Variants in GPBP1 observed in about 807,000 individuals in gnomAD.
GPBP1 encodes GC-rich promoter binding protein 1, also known as vasculin.
Under a neutral mutation model 56.5 loss-of-function variants are expected in GPBP1, and 13 were observed. The observed-to-expected ratio is 0.23, with a 90% confidence interval of 0.15 to 0.37. The LOEUF is 0.37. Ranked by LOEUF, GPBP1 falls within the 10% of genes least tolerant of loss-of-function variation. The pLI is 1.00. For synonymous variants in GPBP1, 204 were observed against 188.9 expected, an observed-to-expected ratio of 1.08 and a Z score of -0.66; for missense variants, 477 against 572.3, an observed-to-expected ratio of 0.83 and a Z score of 1.70.
intron 2 of GPBP1, among the ~76,000 whole-genome samples, chr5:57,183,859 C>A (rs1754173071): frequency 6.7e-6 from 1 of 150,070 alleles, no homozygotes; most frequent in Admixed American, 6.7e-5. Context: ...GCAGCCTCGA[C>A]CTCCCAGACA....
chr5:57,182,924 C>G (rs1290483594), intron 2 of GPBP1, among the ~76,000 whole-genome samples: 1 of 152,210 alleles, frequency 6.6e-6, no homozygotes, highest in Non-Finnish European at 1.5e-5. Context: ...CTCAAGTGTT[C>G]CTCCTGCCTT....
chr5:57,224,403 C>T (rs767691891), intron 3 of GPBP1, among the ~76,000 whole-genome samples: 6 of 151,446 alleles, frequency 4.0e-5, no homozygotes, highest in South Asian at 2.1e-4. Context: ...CCACCATGCC[C>T]GGCTAATTTT....
chr5:57,229,997 C>T (rs910852935), intron 3 of GPBP1, among the ~76,000 whole-genome samples: 3 of 143,060 alleles, frequency 2.1e-5, no homozygotes, highest in African/African-American at 7.7e-5. Context: ...GGCGTGATCT[C>T]GGTTCACTGC....
At chr5:57,235,413 C>CTTT (rs750088423) in intron 5 of GPBP1, among the ~76,000 whole-genome samples, 1 of 142,902 alleles carries the variant, frequency 7.0e-6, no homozygotes, top group Non-Finnish European at 1.5e-5. Flanking sequence ...TTTTTCTTTT[C>CTTT]TTTTTTTTTT....
intron 6 of GPBP1, among the ~76,000 whole-genome samples, chr5:57,241,995 TG>T (rs761541919): frequency 2.6e-4 from 39 of 152,244 alleles, no homozygotes; most frequent in Non-Finnish European, 5.0e-4. Context: ...AATTAATTCT[TG>T]CCTTTTAGTC....
intron 8 of GPBP1, among the ~76,000 whole-genome samples, chr5:57,247,774 GTC>G (rs1019370176): frequency 2.0e-5 from 3 of 152,158 alleles, no homozygotes; most frequent in African/African-American, 7.2e-5. Context: ...GAGGGACAGA[GTC>G]TCTGTTGCTC....
intron 3 of GPBP1, among the ~76,000 whole-genome samples, chr5:57,215,412 A>G (rs984410997): frequency 2.6e-5 from 4 of 152,208 alleles, no homozygotes; most frequent in African/African-American, 9.7e-5. Flanking sequence ...TGTTTGCCTC[A>G]TTTGATATCA....
intron 2 of GPBP1, among the ~76,000 whole-genome samples, chr5:57,194,295 T>C (rs1754655161): frequency 6.6e-6 from 1 of 152,230 alleles, no homozygotes; most frequent in Non-Finnish European, 1.5e-5. Context: ...TAATGCCCAG[T>C]TGTTCTCCAT....
chr5:57,190,538 C>A (rs1398699949), intron 2 of GPBP1, among the ~76,000 whole-genome samples: 3 of 150,938 alleles, frequency 2.0e-5, no homozygotes. Context: ...GAGCTGAGAT[C>A]ACGCCACTGC....
At chr5:57,226,474 C>T (rs1756193820) in intron 3 of GPBP1, among the ~76,000 whole-genome samples, 1 of 148,488 alleles carries the variant, frequency 6.7e-6, no homozygotes, top group Admixed American at 6.7e-5. Context: ...TGGGAAAATT[C>T]AAATTCAGCC....
chr5:57,223,588 C>T (rs1756046699), intron 3 of GPBP1, among the ~76,000 whole-genome samples: 1 of 151,956 alleles, frequency 6.6e-6, no homozygotes, highest in Non-Finnish European at 1.5e-5. Context: ...AGAAGAGCCG[C>T]CTCAAAATTC....
chr5:57,187,003 AGTGTG>A (rs1456037215), intron 2 of GPBP1, among the ~76,000 whole-genome samples: 10 of 146,674 alleles, frequency 6.8e-5, no homozygotes, highest in Non-Finnish European at 1.5e-4. Flanking sequence ...GACTCAGAGA[AGTGTG>A]TGTGTGTGTG....
intron 6 of GPBP1, among the ~76,000 whole-genome samples, chr5:57,245,048 T>C (rs1181113981): frequency 6.6e-6 from 1 of 152,168 alleles, no homozygotes. Flanking sequence ...TTGAGATCTT[T>C]ATTCATTTTT....
intron 2 of GPBP1, among the ~76,000 whole-genome samples, chr5:57,194,647 C>T (rs572715614): frequency 2.6e-5 from 4 of 152,144 alleles, no homozygotes; most frequent in South Asian, 4.1e-4. Flanking sequence ...ACTAACCTCC[C>T]GCTCTTTATC....
chr5:57,200,228 C>T (rs1204647201), intron 2 of GPBP1, among the ~76,000 whole-genome samples: 2 of 148,846 alleles, frequency 1.3e-5, no homozygotes, highest in African/African-American at 4.9e-5. Context: ...GGCATGGATG[C>T]AGGCAGGGAG....
chr5:57,184,369 C>T (rs192004505), intron 2 of GPBP1, among the ~76,000 whole-genome samples: 3 of 152,168 alleles, frequency 2.0e-5, no homozygotes, highest in African/African-American at 7.2e-5. Flanking sequence ...GTTCAGCAGG[C>T]TGTGTAGGAA....
At chr5:57,236,932 C>T in intron 6 of GPBP1, 1 of 548,970 alleles carries the variant, frequency 1.8e-6, no homozygotes. Flanking sequence ...TTGCCACTTC[C>T]TGTGCTATAT....
Position 57,229,230 on chromosome 5 carries a change from C to CAAAA in GPBP1, c.64-1582_64-1579dup, listed in dbSNP as rs543005934. Among the ~76,000 whole-genome samples, 410 of 77,362 alleles carry CAAAA rather than the reference C, an allele frequency of 5.3e-3. 100 individuals are homozygous for CAAAA. Among genetic ancestry groups the CAAAA allele is most frequent in the Middle Eastern group, 0.016 (2 of 128 alleles). 50.8% of individuals were successfully genotyped at this position (77,362 alleles called of 152,430 possible). A position where few individuals can be genotyped will look rare whatever the true frequency, so the allele number is the denominator to read the frequency against. On this transcript the variant is annotated intron_variant, in intron 3 of 11. Transcript: ENST00000506184. The stretch of plus-strand genomic sequence containing the variant: ...TGGGCGACAGAACAAGACTCCATCT[C>CAAAA]AAAAAAAAAAAAAAAAAAAAAAAAA...
chr5:57,191,642 A>G lies in GPBP1; in HGVS notation c.-58+15242A>G, dbSNP rs1262076658. ...AGTGGTGCGATCTCAGCTCACTGCA[A>G]CCTCCGCCTCCTGGGTTCAAGTGAT... On this transcript the variant is annotated intron_variant, in intron 2 of 11. Transcript: ENST00000506184. Among the ~76,000 whole-genome samples, 5 of 151,284 alleles carry G rather than the reference A, an allele frequency of 3.3e-5. No individual in the cohort carries two copies. In the Middle Eastern group the frequency reaches 0.01, roughly 311 times the overall value.
Sources: allele counts gnomAD v4.1 joint callset (sites outside exome capture counted in the v4.1 genomes callset), GRCh38; gene constraint gnomAD v4.1.1; transcripts MANE v1.5; gene names NCBI Gene and HGNC (gene_info 2026-07-23, HGNC 2026-07-21).